Variants in SPPL3 observed in about 807,000 individuals in gnomAD.
The protein encoded by SPPL3 is signal peptide peptidase like 3.
In SPPL3, 5 loss-of-function variants were observed where a neutral mutation model predicts 42.4. The ratio of observed to expected loss-of-function variants is 0.12; its 90% CI spans 0.06 to 0.25. The LOEUF (loss-of-function observed/expected upper bound fraction) is 0.25, where lower values mean the gene tolerates loss of function less well. Ranked by LOEUF, SPPL3 falls within the 10% of genes least tolerant of loss-of-function variation. The pLI, the probability that SPPL3 is intolerant of heterozygous loss-of-function variation, is 1.00. For missense variants in SPPL3, 235 were observed against 489.0 expected, an observed-to-expected ratio of 0.48 and a Z score of 4.90; for synonymous variants, 195 against 181.8, an observed-to-expected ratio of 1.07 and a Z score of -0.58.
chr12:120,789,014 G>C (rs1869816992), intron 3 of SPPL3, among the ~76,000 whole-genome samples: 1 of 152,020 alleles, frequency 6.6e-6, no homozygotes, highest in Non-Finnish European at 1.5e-5. Flanking sequence ...CTTTGTAATG[G>C]CTTCTTCATT....
chr12:120,857,857 T>G (rs914482597), intron 1 of SPPL3, among the ~76,000 whole-genome samples: 1 of 152,146 alleles, frequency 6.6e-6, no homozygotes, highest in African/African-American at 2.4e-5. Flanking sequence ...AAACAGCTAA[T>G]GCATGCGGGG....
chr12:120,898,923 A>G (rs1873889206), intron 1 of SPPL3, among the ~76,000 whole-genome samples: 1 of 152,214 alleles, frequency 6.6e-6, no homozygotes, highest in African/African-American at 2.4e-5. Flanking sequence ...CCTCACACCA[A>G]CATTAGTAAT....
chr12:120,771,008 G>A (rs984426438), intron 6 of SPPL3, among the ~76,000 whole-genome samples: 6 of 152,026 alleles, frequency 3.9e-5, no homozygotes, highest in Non-Finnish European at 7.4e-5. Context: ...TTTTTGACCC[G>A]TCTCTCTTTT....
At chr12:120,798,751 T>C (rs868046378) in intron 2 of SPPL3, among the ~76,000 whole-genome samples, 3 of 152,234 alleles carry the variant, frequency 2.0e-5, no homozygotes, top group Middle Eastern at 3.2e-3. Context: ...GACAGCAGGT[T>C]AAATGTGCAG....
intron 7 of SPPL3, 73 bp from the exon 8 acceptor site, chr12:120,768,561 T>C: frequency 6.7e-7 from 1 of 1,491,478 alleles, no homozygotes. Context: ...CCCTCCTTGC[T>C]CTTAAGAGCA....
intron 1 of SPPL3, among the ~76,000 whole-genome samples, chr12:120,852,902 TA>T (rs202120837): frequency 0.043 from 804 of 18,826 alleles, 15 homozygotes; most frequent in South Asian, 0.14. Context: ...TATATATATA[TA>T]TATTTTTTAA....
chr12:120,867,966 C>T (rs1453349036), intron 1 of SPPL3, among the ~76,000 whole-genome samples: 2 of 152,062 alleles, frequency 1.3e-5, no homozygotes, highest in Non-Finnish European at 2.9e-5. Flanking sequence ...AGGCTGGTCT[C>T]GAACTCCTAA....
chr12:120,883,962 G>A (rs1385072386), intron 1 of SPPL3, among the ~76,000 whole-genome samples: 7 of 152,068 alleles, frequency 4.6e-5, no homozygotes, highest in African/African-American at 9.7e-5. Flanking sequence ...TTAGCCGGGC[G>A]TGGTGGCGCA....
intron 1 of SPPL3, among the ~76,000 whole-genome samples, chr12:120,821,649 C>T (rs1309599438): frequency 4.6e-5 from 7 of 152,158 alleles, no homozygotes; most frequent in African/African-American, 1.7e-4. Flanking sequence ...TGTTAACATG[C>T]TGGTTGAAAT....
rs1869916889 is a variant in SPPL3, at chr12:120,791,563, G to GA, written c.102-7dup. On this transcript the variant is annotated splice_polypyrimidine_tract_variant and splice_region_variant and intron_variant, in intron 2 of 10. Coordinates refer to ENST00000353487, the MANE Select transcript of SPPL3 (RefSeq NM_139015.5). ...CAAAGTCCATATTAAGGGACCTGTG[G>GA]AAAAAAATTTTGTAGTTAAGTTGTA... The GA allele has an allele frequency of 2.5e-6, 4 of 1,587,192 alleles. No homozygotes were observed. The highest frequency in any genetic ancestry group is 2.6e-6 in the Non-Finnish European group (3 of 1,172,124).
chr12:120,772,985 T>C (rs750840508), intron 6 of SPPL3, among the ~76,000 whole-genome samples: 3 of 152,204 alleles, frequency 2.0e-5, no homozygotes, highest in Non-Finnish European at 4.4e-5. Flanking sequence ...AATTTTTAAA[T>C]AAATTCATAC....
chr12:120,842,181 T>C (rs1439317087), intron 1 of SPPL3, among the ~76,000 whole-genome samples: 1 of 152,168 alleles, frequency 6.6e-6, no homozygotes, highest in Non-Finnish European at 1.5e-5. Context: ...TGGCCCAGAA[T>C]CATGCATAGA....
intron 1 of SPPL3, among the ~76,000 whole-genome samples, chr12:120,852,127 C>CG (rs1434827935): frequency 6.6e-6 from 1 of 151,750 alleles, no homozygotes; most frequent in Non-Finnish European, 1.5e-5. Flanking sequence ...TGCAGGCCTG[C>CG]GCTCCTCACA....
At chr12:120,778,111 A>AT (rs57779322) in intron 6 of SPPL3, among the ~76,000 whole-genome samples, 18,740 of 89,620 alleles carry the variant, frequency 0.21, 3,333 homozygotes, top group East Asian at 0.41. Context: ...CTGAAAAGCA[A>AT]TTTTTTTTTT....
intron 1 of SPPL3, among the ~76,000 whole-genome samples, chr12:120,875,608 G>A (rs184515614): frequency 2.8e-5 from 4 of 142,456 alleles, no homozygotes; most frequent in Admixed American, 7.2e-5. Flanking sequence ...TAGCCTGGGC[G>A]ACAGAGACTC....
In SPPL3 at chr12:120,889,011, G is replaced by A. The variant is rs185416192; in HGVS notation, c.23+14834C>T. Among the ~76,000 whole-genome samples the A allele has an allele frequency of 8.0e-4, 121 of 151,990 alleles. 1 individual carries two copies. Among genetic ancestry groups the A allele is most frequent in the African/African-American group, 1.7e-3 (70 of 41,456 alleles). On this transcript the variant is annotated intron_variant, in intron 1 of 10. Coordinates refer to ENST00000353487, the MANE Select transcript of SPPL3 (RefSeq NM_139015.5). The stretch of plus-strand genomic sequence containing the variant: ...GCATTTTTAGTAGAGATGGGGTTTC[G>A]TCATGTTGGCGAGGCTGGTCTTGAA...
chr12:120,880,873 C>A (rs939280142), intron 1 of SPPL3, among the ~76,000 whole-genome samples: 3 of 151,332 alleles, frequency 2.0e-5, no homozygotes, highest in Non-Finnish European at 2.9e-5. Flanking sequence ...CAACAACAAT[C>A]AACCCAGCCA....
chr12:120,903,732 G>C (rs1308349090), intron 1 of SPPL3, 113 bp downstream of exon 1: 616 of 385,026 alleles, frequency 1.6e-3, no homozygotes, highest in South Asian at 8.5e-3. Context: ...CCCAACCCGC[G>C]CCCCCCCCCC....
At chr12:120,810,760 T>C in intron 2 of SPPL3, 49 bp downstream of exon 2, 1 of 1,445,662 alleles carries the variant, frequency 6.9e-7, no homozygotes, top group South Asian at 1.2e-5. Context: ...GAGCAATGCT[T>C]CCTTCTTCCA....
Sources: gnomAD v4.1 joint callset for allele counts (sites outside exome capture counted in the v4.1 genomes callset) on GRCh38, gnomAD v4.1.1 for gene constraint, MANE v1.5 for transcripts, NCBI Gene and HGNC (gene_info 2026-07-23, HGNC 2026-07-21) for gene names.